The following NFXL1 variants were observed in gnomAD, a reference collection of about 807,000 sequenced individuals.
NFXL1 encodes NF-X1-type zinc finger protein NFXL1.
A neutral mutation model predicts 123.3 loss-of-function variants in NFXL1; 66 were observed. That is an observed-to-expected ratio of 0.54 (90% CI 0.44 to 0.66). NFXL1 has a LOEUF of 0.66. Among genes scored for constraint, NFXL1 ranks in the 30% least tolerant of loss-of-function variants. NFXL1 has a pLI of 0.00. For missense variants in NFXL1, 944 were observed against 1,125.6 expected, an observed-to-expected ratio of 0.84 and a Z score of 2.31; for synonymous variants, 346 against 360.8, an observed-to-expected ratio of 0.96 and a Z score of 0.46.
chr4:47,868,687 A>C lies in NFXL1; in HGVS notation c.2247-5772T>G, dbSNP rs576357775. Among the ~76,000 whole-genome samples the C allele has an allele frequency of 1.8e-3, 276 of 152,352 alleles. 2 individuals carry two copies. Among genetic ancestry groups the C allele is most frequent in the African/African-American group, 6.3e-3 (263 of 41,584 alleles). ...GTGACATAATACAAACAGTAATCAT[A>C]AAGTAATAATTCAGAGCTAAACCAA... On this transcript the variant is annotated intron_variant, in intron 18 of 22. Coordinates refer to ENST00000507489, the MANE Select transcript of NFXL1 (RefSeq NM_001278624.2).
intron 12 of NFXL1, among the ~76,000 whole-genome samples, chr4:47,888,057 C>T (rs959489264): frequency 2.6e-5 from 4 of 152,056 alleles, no homozygotes; most frequent in African/African-American, 4.8e-5. Flanking sequence ...AGGCAGATCA[C>T]GAGGTCAGGA....
At chr4:47,898,633 CATCT>C in intron 8 of NFXL1, 120 bp downstream of exon 8, 1 of 639,202 alleles carries the variant, frequency 1.6e-6, no homozygotes, top group African/African-American at 1.8e-5. Flanking sequence ...TGATATAATT[CATCT>C]GAGTTGCTAT....
At chr4:47,899,200 T>A in intron 6 of NFXL1, 80 bp from the exon 7 acceptor site, 2 of 1,359,040 alleles carry the variant, frequency 1.5e-6, no homozygotes, top group Non-Finnish European at 2.0e-6. Flanking sequence ...TCTACACCTA[T>A]CAATAATTTC....
intron 11 of NFXL1, among the ~76,000 whole-genome samples, chr4:47,891,029 G>C (rs922661563): frequency 6.6e-6 from 1 of 151,710 alleles, no homozygotes; most frequent in African/African-American, 2.4e-5. Flanking sequence ...AAAACAATTA[G>C]TCTGGTTTTT....
intron 17 of NFXL1, among the ~76,000 whole-genome samples, chr4:47,877,751 C>T (rs1275362926): frequency 2.0e-5 from 3 of 151,898 alleles, no homozygotes; most frequent in Non-Finnish European, 2.9e-5. Context: ...AATAACCTAA[C>T]GACGCAACTA....
At chr4:47,887,596 C>A (rs1736516765) in intron 12 of NFXL1, among the ~76,000 whole-genome samples, 1 of 152,134 alleles carries the variant, frequency 6.6e-6, no homozygotes, top group Non-Finnish European at 1.5e-5. Flanking sequence ...AGAATGACTA[C>A]AAGTTGTATT....
At chr4:47,868,893 A>T (rs1443272111) in intron 18 of NFXL1, among the ~76,000 whole-genome samples, 1 of 152,190 alleles carries the variant, frequency 6.6e-6, no homozygotes, top group African/African-American at 2.4e-5. Context: ...CATCTTTATA[A>T]GCAAAAACTA....
intron 2 of NFXL1, 123 bp downstream of exon 2, chr4:47,913,846 G>C: frequency 4.8e-6 from 3 of 630,354 alleles, no homozygotes; most frequent in Non-Finnish European, 7.7e-6. Context: ...AAGTGGGCCC[G>C]ATAACAAACT....
At chr4:47,878,358 A>C (rs1408980157) in intron 17 of NFXL1, among the ~76,000 whole-genome samples, 167 bp downstream of exon 17, 1 of 152,096 alleles carries the variant, frequency 6.6e-6, no homozygotes, top group Non-Finnish European at 1.5e-5. Context: ...ATACACACCA[A>C]GCTGTCTAAG....
intron 18 of NFXL1, among the ~76,000 whole-genome samples, chr4:47,868,086 C>G (rs928561323): frequency 2.0e-5 from 3 of 152,062 alleles, no homozygotes; most frequent in African/African-American, 7.2e-5. Flanking sequence ...GAGGCCGAGG[C>G]GGGTGGATCA....
chr4:47,902,202 TAAAA>T (rs199549864), intron 5 of NFXL1, among the ~76,000 whole-genome samples: 1 of 149,186 alleles, frequency 6.7e-6, no homozygotes, highest in African/African-American at 2.5e-5. Flanking sequence ...AAAATTAAAA[TAAAA>T]AAAAAATTTA....
At chr4:47,905,604 T>C (rs1004343331) in intron 3 of NFXL1, among the ~76,000 whole-genome samples, 1 of 152,174 alleles carries the variant, frequency 6.6e-6, no homozygotes, top group African/African-American at 2.4e-5. Context: ...TTTTTGGCTG[T>C]TAGAATTCTC....
rs903117658 is a variant in NFXL1, at chr4:47,847,266, C to T, written c.*897G>A. 2 of 151,734 alleles carry T rather than the reference C, an allele frequency of 1.3e-5. No individual in the cohort carries two copies. Among genetic ancestry groups the T allele is most frequent in the African/African-American group, 2.4e-5 (1 of 41,294 alleles). The allele number at this position is 151,734 out of a possible 1,614,324, so 9.4% of individuals were successfully genotyped here. ...TTGGTATCAAAAATTTTAATGAAAA[C>T]ATTAATCATATAAATTAAATAGCAA... On this transcript the variant is annotated 3_prime_UTR_variant, in exon 23 of 23. Transcript: ENST00000507489.
chr4:47,914,060 G>A lies in NFXL1; in HGVS notation c.144C>T (p.Gly48=). 6.5e-7 allele frequency: 1 copy of A among 1,549,616 alleles called. No homozygotes were observed. Among genetic ancestry groups the A allele is most frequent in the Non-Finnish European group, 8.7e-7 (1 of 1,146,992 alleles). Residue 48 remains glycine, a synonymous_variant, in exon 2 of 23, where the codon GGC becomes GGT. Transcript: ENST00000507489. ...TGGTCGCGACTCCTCCGGGACTGGT[G>A]CCAGAAGGAACTGCGCCCACCGACC... ...EKGSVGAVPS[G]TSPGGVATTA...
chr4:47,902,733 T>C (rs1013040075), intron 5 of NFXL1, among the ~76,000 whole-genome samples: 1 of 152,092 alleles, frequency 6.6e-6, no homozygotes, highest in Non-Finnish European at 1.5e-5. Context: ...AAATTCAAAT[T>C]GAAAAAAACA....
At chr4:47,868,615 T>C (rs539686394) in intron 18 of NFXL1, among the ~76,000 whole-genome samples, 19 of 148,160 alleles carry the variant, frequency 1.3e-4, no homozygotes, top group African/African-American at 4.7e-4. Context: ...CAAACCTTAA[T>C]AGGAGAAAAT....
chr4:47,862,376 T>A (rs889335118), intron 19 of NFXL1, among the ~76,000 whole-genome samples: 1 of 152,192 alleles, frequency 6.6e-6, no homozygotes, highest in Non-Finnish European at 1.5e-5. Flanking sequence ...TGCAGAGGTA[T>A]CTTCTACGTC....
At chr4:47,892,304 C>G (rs376412826) in intron 11 of NFXL1, among the ~76,000 whole-genome samples, 112 of 152,316 alleles carry the variant, frequency 7.4e-4, no homozygotes, top group African/African-American at 2.6e-3. Flanking sequence ...TAAGCAGAAT[C>G]TGGCTGTCTC....
At chr4:47,905,507 G>A (rs1822030) in intron 3 of NFXL1, among the ~76,000 whole-genome samples, 161 bp from the exon 4 acceptor site, 52,640 of 151,926 alleles carry the variant, frequency 0.35, 9,547 homozygotes, top group East Asian at 0.59. Context: ...CCAATGAGCT[G>A]TCAAGAGGTA....
Sources: allele counts gnomAD v4.1 joint callset (sites outside exome capture counted in the v4.1 genomes callset), GRCh38; gene constraint gnomAD v4.1.1; transcripts MANE v1.5; gene names NCBI Gene and HGNC (gene_info 2026-07-23, HGNC 2026-07-21).